The following TMEM147 variants were observed in gnomAD, a reference collection of about 807,000 sequenced individuals.
The protein encoded by TMEM147 is transmembrane protein 147, also known as BOS complex subunit TMEM147.
In TMEM147, 29 loss-of-function variants were observed where a neutral mutation model predicts 29.4. That is an observed-to-expected ratio of 0.99 (90% CI 0.73 to 1.34). TMEM147 has a LOEUF of 1.34. Among genes scored for constraint, TMEM147 ranks in the 40% most tolerant of loss-of-function variants. The pLI, the probability that TMEM147 is intolerant of heterozygous loss-of-function variation, is 0.00. For synonymous variants in TMEM147, 121 were observed against 111.8 expected, an observed-to-expected ratio of 1.08 and a Z score of -0.52; for missense variants, 260 against 289.4, an observed-to-expected ratio of 0.90 and a Z score of 0.74.
chr19:35,547,078 TC>T (rs752478842), intron 5 of TMEM147, 40 bp from the exon 6 acceptor site: 1 of 1,614,034 alleles, frequency 6.2e-7, no homozygotes, highest in African/African-American at 1.3e-5. Context: ...GCGGCCATAC[TC>T]CTCCCCAAGG....
Position 35,546,968 on chromosome 19 carries a change from C to T in TMEM147, c.368C>T (p.Ala123Val), listed in dbSNP as rs2071565831. 6.2e-7 allele frequency: 1 copy of T among 1,614,070 alleles called. No individual in the cohort carries two copies. Among genetic ancestry groups the T allele is most frequent in the Admixed American group, 1.7e-5 (1 of 60,006 alleles). Residue 123 changes from alanine (A) to valine (V), a missense_variant, in exon 5 of 7, where the codon GCC becomes GTC. Coordinates refer to ENST00000222284, the MANE Select transcript of TMEM147 (RefSeq NM_032635.4). ...AGCTGCATTCCCCTATGGGTCGGAG[C>T]CCGGGGCATTGAGTTTGACTGGAAG... ...MSRCIPLWVGARGIEFDWKYI... is the reference protein window; with the variant it reads ...MSRCIPLWVGVRGIEFDWKYI...
chr19:35,547,295 CCCTT>C (rs1568311575), intron 6 of TMEM147, 25 bp from the exon 7 acceptor site: 2 of 1,614,008 alleles, frequency 1.2e-6, no homozygotes, highest in East Asian at 2.2e-5. Flanking sequence ...TATCTAGTCT[CCCTT>C]CCTTATTGTG....
At position 35,547,180 on chromosome 19, in the gene TMEM147, C is replaced by A. The variant is rs1332827212; in HGVS notation, c.491C>A (p.Thr164Asn). The A allele has an allele frequency of 1.9e-6, 3 of 1,614,094 alleles. No homozygotes were observed. Among genetic ancestry groups the A allele is most frequent in the Admixed American group, 3.3e-5 (2 of 60,006 alleles). Residue 164 changes from threonine to asparagine, a missense_variant, in exon 6 of 7, where the codon ACC becomes AAC. Coordinates refer to ENST00000222284, the MANE Select transcript of TMEM147 (RefSeq NM_032635.4). ...ATAACACGCTATGATCTGTACCACA[C>A]CTTCCGGCCAGCTGTCCTCCTGCTG... The part of the protein sequence containing the change: ...WMITRYDLYH[T>N]FRPAVLLLMF...
chr19:35,545,761 A>G lies in TMEM147; in HGVS notation c.22A>G (p.Asn8Asp). 1 of 1,613,126 alleles carries G rather than the reference A, an allele frequency of 6.2e-7. No individual in the cohort carries two copies. Among genetic ancestry groups the G allele is most frequent in the Non-Finnish European group, 8.5e-7 (1 of 1,179,876 alleles). Residue 8 changes from asparagine (N) to aspartate (D), a missense_variant, in exon 1 of 7, where the codon AAC becomes GAC. Physicochemically the swap from Asn to Asp is conservative, Grantham distance 23. Transcript: ENST00000222284. MTLFHFG[N>D]CFALAYFPYF... ...CATCATGACCCTGTTTCACTTCGGG[A>G]ACTGCTTCGCTCTTGCCTACTTCCC...
chr19:35,545,626 A>G lies in TMEM147; in HGVS notation c.-114A>G. On this transcript the variant is annotated 5_prime_UTR_variant, in exon 1 of 7. Coordinates refer to ENST00000222284, the MANE Select transcript of TMEM147 (RefSeq NM_032635.4). The stretch of plus-strand genomic sequence containing the variant: ...AGAAGGTCGCGCGCGGGCCCCCGCC[A>G]GTCAGGTGGGTGCCAGGCCCTGGCC... 3.5e-6 allele frequency: 4 copies of G among 1,154,560 alleles called. No individual in the cohort carries two copies. Among genetic ancestry groups the G allele is most frequent in the Non-Finnish European group, 4.8e-6 (4 of 840,970 alleles). 71.5% of individuals were successfully genotyped at this position (1,154,560 alleles called of 1,614,324 possible).
chr19:35,546,410 A>G, intron 2 of TMEM147, 116 bp from the exon 3 acceptor site: 1 of 1,223,306 alleles, frequency 8.2e-7, no homozygotes. Context: ...CCTCTTCCAG[A>G]TGGGCCCCCA....
Position 35,545,726 on chromosome 19 carries a change from G to T in TMEM147, c.-14G>T. On this transcript the variant is annotated 5_prime_UTR_variant, in exon 1 of 7. Coordinates refer to ENST00000222284, the MANE Select transcript of TMEM147 (RefSeq NM_032635.4). ...TCGCGATCCCCGCGCGGGCGGGACC[G>T]GGCGGCCGGCATCATGACCCTGTTT... 6.2e-7 allele frequency: 1 copy of T among 1,608,374 alleles called. No homozygotes were observed.
rs751881608 is a variant in TMEM147, at chr19:35,546,792, G to A, written c.328G>A (p.Glu110Lys). The A allele has an allele frequency of 6.2e-7, 1 of 1,614,238 alleles. No homozygotes were observed. The highest frequency in any genetic ancestry group is 8.5e-7 in the Non-Finnish European group (1 of 1,180,042). ...MVAALGWATA[E>K]LIMSRCIPLW... ...TGCTGCCCTGGGCTGGGCCACTGCT[G>A]AGCTTATTATGTCCCGGTGCGTACA... is the stretch of plus-strand genomic sequence containing the variant. Residue 110 changes from glutamate (E) to lysine (K), a missense_variant, in exon 4 of 7, where the codon GAG becomes AAG. Physicochemically the swap from Glu to Lys is moderately conservative, Grantham distance 56 (BLOSUM62 1). Transcript: ENST00000222284.
rs775070866 is a variant in TMEM147, at chr19:35,547,133, C to T, written c.444C>T (p.Val148=). ...CCTCCCTCTAGGTCCATTACATCGT[C>T]GCGTCTGCTCAGGTCTGGATGATAA... ...DSNISLVHYI[V]ASAQVWMITR... Residue 148 remains valine, a synonymous_variant, in exon 6 of 7, where the codon GTC becomes GTT. Coordinates refer to ENST00000222284, the MANE Select transcript of TMEM147 (RefSeq NM_032635.4). 8 of 1,614,194 alleles carry T rather than the reference C, an allele frequency of 5.0e-6. No individual in the cohort carries two copies. The highest frequency in any genetic ancestry group is 2.7e-5 in the African/African-American group (2 of 75,032).
Position 35,545,666 on chromosome 19 carries a change from G to A in TMEM147, c.-74G>A. 3 of 1,534,954 alleles carry A rather than the reference G, an allele frequency of 2.0e-6. No homozygotes were observed. The highest frequency in any genetic ancestry group is 1.4e-5 in the African/African-American group (1 of 73,022). ...AGGCCCTGGCCGTGGCGAAAGAGCC[G>A]GCGGAGCCGGAGACCCGCTCCCGGA... is the stretch of plus-strand genomic sequence containing the variant. On this transcript the variant is annotated 5_prime_UTR_variant, in exon 1 of 7. Transcript: ENST00000222284.
In TMEM147 at chr19:35,545,682, C is replaced by T; in HGVS notation, c.-58C>T. 1.3e-6 allele frequency: 2 copies of T among 1,579,232 alleles called. No individual in the cohort carries two copies. The highest frequency in any genetic ancestry group is 1.1e-5 in the South Asian group (1 of 89,926). On this transcript the variant is annotated 5_prime_UTR_variant, in exon 1 of 7. Coordinates refer to ENST00000222284, the MANE Select transcript of TMEM147 (RefSeq NM_032635.4). ...GAAAGAGCCGGCGGAGCCGGAGACC[C>T]GCTCCCGGAGACGCCGCCTCGCGAT...
chr19:35,547,147 T>C lies in TMEM147; in HGVS notation c.458T>C (p.Val153Ala), dbSNP rs778296741. 2.7e-5 allele frequency: 44 copies of C among 1,614,064 alleles called. No homozygotes were observed. Among genetic ancestry groups the C allele is most frequent in the Non-Finnish European group, 3.5e-5 (41 of 1,180,050 alleles). Residue 153 changes from valine (V) to alanine (A), a missense_variant, in exon 6 of 7, where the codon GTC becomes GCC. Val to Ala is a moderately conservative substitution (Grantham distance 64, BLOSUM62 0). Transcript: ENST00000222284. Reference protein sequence around the residue: ...LVHYIVASAQVWMITRYDLYH... With the variant: ...LVHYIVASAQAWMITRYDLYH... The stretch of plus-strand genomic sequence containing the variant: ...CATTACATCGTCGCGTCTGCTCAGG[T>C]CTGGATGATAACACGCTATGATCTG...
intron 3 of TMEM147, 37 bp from the exon 4 acceptor site, chr19:35,546,635 C>T (rs1393642877): frequency 1.9e-6 from 3 of 1,608,938 alleles, no homozygotes; most frequent in Middle Eastern, 1.7e-4. Context: ...GGCTCCCTGT[C>T]CCCCTGTGCT....
intron 4 of TMEM147, 53 bp downstream of exon 4, chr19:35,546,861 A>G (rs771305721): frequency 3.7e-6 from 6 of 1,614,024 alleles, no homozygotes; most frequent in Non-Finnish European, 5.1e-6. Context: ...CCTGGGTTCC[A>G]CGGGGGTGCT....
intron 2 of TMEM147, 95 bp downstream of exon 2, chr19:35,546,052 G>C (rs1023688214): frequency 1.4e-6 from 2 of 1,392,620 alleles, no homozygotes; most frequent in Non-Finnish European, 2.0e-6. Context: ...GCCGCCCCAC[G>C]GTGGGACCGC....
At chr19:35,546,441 C>T in intron 2 of TMEM147, 85 bp from the exon 3 acceptor site, 2 of 1,499,672 alleles carry the variant, frequency 1.3e-6, no homozygotes, top group Non-Finnish European at 1.8e-6. Context: ...TGCCCTCTTC[C>T]TACCCACGAA....
rs2071550082 is a variant in TMEM147, at chr19:35,545,900, CG to C, written c.91del (p.Ala31ProfsTer42). 1.2e-6 allele frequency: 2 copies of C among 1,613,872 alleles called. No individual in the cohort carries two copies. Among genetic ancestry groups the C allele is most frequent in the Non-Finnish European group, 1.7e-6 (2 of 1,179,932 alleles). On this transcript the variant is annotated frameshift_variant, in exon 2 of 7. Transcript: ENST00000222284. LOFTEE classifies it high-confidence loss of function. ...CCCGCTTCTCCAGGTCCGAGTACAA[CG>C]CCTTCTGGAAATGCGTCCAGGCTGG... ...YKCSGLSEYNAFWKCVQAGVT... is the reference protein window; with the variant it reads ...YKCSGLSEYNXFWKCVQAGVT...
rs73928226 is a variant in TMEM147 at position 35,546,614 on chromosome 19, T to C, written c.207+29T>C. ...AGAGGGGCCAGGGAAGGGAAGGGAG[T>C]TCAGGAATGGGGCTCCCTGTCCCCC... On this transcript the variant is annotated intron_variant, in intron 3 of 6. Transcript: ENST00000222284. 8,934 of 1,610,022 alleles carry C rather than the reference T, an allele frequency of 5.5e-3. 399 individuals are homozygous for C. In the African/African-American group the frequency reaches 0.099, roughly 18 times the overall value.
In TMEM147 at chr19:35,546,775, T is replaced by C. The variant is rs763500454; in HGVS notation, c.311T>C (p.Leu104Pro). ...GAGTACAAGATCATGGTTGCTGCCC[T>C]GGGCTGGGCCACTGCTGAGCTTATT... Reference protein sequence around the residue: ...KGEYKIMVAALGWATAELIMS... With the variant: ...KGEYKIMVAAPGWATAELIMS... Residue 104 changes from leucine (L) to proline (P), a missense_variant, in exon 4 of 7, where the codon CTG becomes CCG. Transcript: ENST00000222284. 5.6e-6 allele frequency: 9 copies of C among 1,614,190 alleles called. No homozygotes were observed. Among genetic ancestry groups the C allele is most frequent in the African/African-American group, 1.3e-5 (1 of 75,058 alleles).
Sources: gnomAD v4.1 joint callset for allele counts on GRCh38, gnomAD v4.1.1 for gene constraint, MANE v1.5 for transcripts, NCBI Gene and HGNC (gene_info 2026-07-23, HGNC 2026-07-21) for gene names.